The following CCDC18 variants were observed in gnomAD, a reference collection of about 807,000 sequenced individuals.
CCDC18 encodes the protein coiled-coil domain containing 18, also known as coiled-coil domain-containing protein 18.
A neutral mutation model predicts 196.0 loss-of-function variants in CCDC18; 157 were observed. The observed-to-expected ratio is 0.80, with a 90% CI of 0.70 to 0.91. The LOEUF is 0.91. Ranked by LOEUF, CCDC18 falls within the 40% of genes least tolerant of loss-of-function variation. The pLI, the probability that CCDC18 is intolerant of heterozygous loss-of-function variation, is 0.00. For synonymous variants in CCDC18, 482 were observed against 529.2 expected, an observed-to-expected ratio of 0.91 and a Z score of 1.22; for missense variants, 1,465 against 1,611.6, an observed-to-expected ratio of 0.91 and a Z score of 1.56.
intron 6 of CCDC18, among the ~76,000 whole-genome samples, chr1:93,197,505 AAT>A (rs930689915): frequency 7.9e-5 from 12 of 152,072 alleles, no homozygotes; most frequent in South Asian, 2.1e-4. Context: ...AACCTGAATA[AAT>A]ATATGTGTGT....
chr1:93,197,557 T>A (rs1652944937), intron 6 of CCDC18, among the ~76,000 whole-genome samples: 2 of 151,860 alleles, frequency 1.3e-5, no homozygotes, highest in Admixed American at 1.3e-4. Context: ...TATATATAGC[T>A]ATTAGGGTTA....
chr1:93,221,622 T>C lies in CCDC18; in HGVS notation c.1976T>C (p.Leu659Pro), dbSNP rs750816348. ...TTTCATGTTTAGCTTGAAGCTCAAC[T>C]AGAGAAAAAGGACCAACAATTTAAA... is the stretch of plus-strand genomic sequence containing the variant. Reference protein sequence around the residue: ...EKQIERLEAQLEKKDQQFKEQ... With the variant: ...EKQIERLEAQPEKKDQQFKEQ... The change falls in exon 15 of 29, where the codon CTA becomes CCA. Residue 659 changes from leucine (L) to proline (P), a missense_variant. Transcript: ENST00000690025. 3.9e-6 allele frequency: 6 copies of C among 1,534,602 alleles called. No homozygotes were observed. The highest frequency in any genetic ancestry group is 5.2e-6 in the Non-Finnish European group (6 of 1,151,390).
chr1:93,222,077 C>T lies in CCDC18; in HGVS notation c.2175+141C>T, dbSNP rs1037832439. ...CTTGAACTCCTGAGCTCAAGTAATC[C>T]TCCCACATGAGCCTCCTGAGCAGCT... is the stretch of plus-strand genomic sequence containing the variant. On this transcript the variant is annotated intron_variant, in intron 16 of 28. Coordinates refer to ENST00000690025, the MANE Select transcript of CCDC18 (RefSeq NM_001378204.1). 5.3e-6 allele frequency: 3 copies of T among 565,978 alleles called. No homozygotes were observed. The African/African-American group carries it at 6.0e-5, about 11-fold the overall frequency. The allele number at this position is 565,978 out of a possible 1,614,324, so 35.1% of individuals were successfully genotyped here.
At chr1:93,246,724 T>C (rs577493332) in intron 22 of CCDC18, 114 bp from the exon 23 acceptor site, 3 of 588,736 alleles carry the variant, frequency 5.1e-6, no homozygotes, top group East Asian at 6.1e-5. Flanking sequence ...ATATTAGCTA[T>C]ACTAATGAGT....
rs769921244 is a variant in CCDC18, at chr1:93,258,793, G to T, written c.3592G>T (p.Val1198Leu). Residue 1198 changes from valine to leucine, a missense_variant, in exon 26 of 29, where the codon GTA becomes TTA. By Grantham distance (32) the Val-to-Leu change is conservative (BLOSUM62 1). Transcript: ENST00000690025. ...AGCTGAAGAACTGGGGGCTTCTAAAGTACGTGAAGCTCATTTAGAAGCAAG... is the reference window on the plus strand; with the variant it reads ...AGCTGAAGAACTGGGGGCTTCTAAATTACGTGAAGCTCATTTAGAAGCAAG... Reference protein sequence around the residue: ...HLAEELGASKVREAHLEARMQ... With the variant: ...HLAEELGASKLREAHLEARMQ... 3.8e-6 allele frequency: 6 copies of T among 1,591,040 alleles called. No homozygotes were observed. The highest frequency in any genetic ancestry group is 1.7e-4 in the Middle Eastern group (1 of 6,024).
intron 23 of CCDC18, among the ~76,000 whole-genome samples, chr1:93,251,293 T>C (rs915902534): frequency 6.6e-6 from 1 of 152,344 alleles, no homozygotes; most frequent in Admixed American, 6.5e-5. Flanking sequence ...ATTGTTATAT[T>C]GCCTATCTCT....
chr1:93,234,102 A>G (rs1402344660), intron 18 of CCDC18, among the ~76,000 whole-genome samples: 2 of 151,826 alleles, frequency 1.3e-5, no homozygotes, highest in East Asian at 3.9e-4. Flanking sequence ...ACTCACTTCT[A>G]TAATGGTTGT....
intron 16 of CCDC18, among the ~76,000 whole-genome samples, chr1:93,225,089 AAG>A (rs1485681873): frequency 1.3e-5 from 2 of 152,208 alleles, no homozygotes; most frequent in Non-Finnish European, 2.9e-5. Context: ...TAGAATCTGC[AAG>A]AGAGAATGTT....
rs563636311 is a variant in CCDC18 at position 93,232,413 on chromosome 1, A to G, written c.2293-13A>G. On this transcript the variant is annotated splice_polypyrimidine_tract_variant and intron_variant, in intron 17 of 28. Coordinates refer to ENST00000690025, the MANE Select transcript of CCDC18 (RefSeq NM_001378204.1). ...TTGCATTGTATTGAGAGATATATAT[A>G]TATATTTGCCAGGTATATTGTTTAC... 216 of 1,474,098 alleles carry G rather than the reference A, an allele frequency of 1.5e-4. 3 individuals are homozygous for G. The South Asian group carries it at 2.3e-3, about 16-fold the overall frequency. The allele number at this position is 1,474,098 out of a possible 1,614,324, so 91.3% of individuals were successfully genotyped here.
chr1:93,236,936 C>CG (rs1660147190), intron 19 of CCDC18, among the ~76,000 whole-genome samples: 1 of 152,128 alleles, frequency 6.6e-6, no homozygotes, highest in South Asian at 2.1e-4. Context: ...TCCCAGGCAT[C>CG]GATACTTAAT....
intron 26 of CCDC18, among the ~76,000 whole-genome samples, chr1:93,260,233 A>G (rs890873437): frequency 1.3e-5 from 2 of 152,122 alleles, no homozygotes; most frequent in South Asian, 4.1e-4. Context: ...AAAATACAAA[A>G]ATTAGCTGGG....
intron 4 of CCDC18, among the ~76,000 whole-genome samples, chr1:93,187,594 G>A (rs1469545293): frequency 6.6e-6 from 1 of 152,042 alleles, no homozygotes; most frequent in African/African-American, 2.4e-5. Context: ...ATTATATGTA[G>A]TTTTAAATAG....
At chr1:93,226,281 T>G (rs1476338344) in intron 16 of CCDC18, 52 bp from the exon 17 acceptor site, 1 of 788,716 alleles carries the variant, frequency 1.3e-6, no homozygotes, top group Non-Finnish European at 2.1e-6. Flanking sequence ...TGTAAAATAT[T>G]GAGTATATCG....
chr1:93,251,077 A>G (rs1032343678), intron 23 of CCDC18, among the ~76,000 whole-genome samples: 3 of 152,062 alleles, frequency 2.0e-5, no homozygotes, highest in African/African-American at 7.2e-5. Context: ...TTTTTCTGGT[A>G]GTATGATTAA....
chr1:93,264,721 C>A lies in CCDC18; in HGVS notation c.3705C>A (p.Asn1235Lys). The A allele has an allele frequency of 6.2e-7, 1 of 1,610,856 alleles. No homozygotes were observed. The highest frequency in any genetic ancestry group is 8.5e-7 in the Non-Finnish European group (1 of 1,177,634). ...YHMEMISHQE[N>K]HAKWKISADS... is the part of the protein sequence containing the mutation. ...TATAGATGATTTCACATCAAGAGAA[C>A]CATGCAAAGTGGAAGATTTCTGCTG... Residue 1235 changes from asparagine (N) to lysine (K), a missense_variant, in exon 27 of 29, where the codon AAC becomes AAA. Asn to Lys is a moderately conservative substitution (Grantham distance 94). Transcript: ENST00000690025.
intron 23 of CCDC18, among the ~76,000 whole-genome samples, chr1:93,250,222 T>TG (rs1662043966): frequency 6.7e-6 from 1 of 150,292 alleles, no homozygotes; most frequent in African/African-American, 2.4e-5. Flanking sequence ...CTACAAAAAG[T>TG]GAAAAAAAAT....
intron 27 of CCDC18, among the ~76,000 whole-genome samples, chr1:93,268,163 C>T (rs1437099421): frequency 1.3e-5 from 2 of 152,114 alleles, no homozygotes; most frequent in African/African-American, 4.8e-5. Context: ...CTGACAAAAA[C>T]AAGAAATGGG....
chr1:93,196,909 A>T (rs1387108155), intron 6 of CCDC18, among the ~76,000 whole-genome samples: 1 of 152,228 alleles, frequency 6.6e-6, no homozygotes, highest in Non-Finnish European at 1.5e-5. Context: ...ATGTAAAACC[A>T]GGCTTACTGG....
chr1:93,221,078 C>T (rs1489270331), intron 14 of CCDC18, among the ~76,000 whole-genome samples: 2 of 152,144 alleles, frequency 1.3e-5, no homozygotes, highest in East Asian at 3.8e-4. Context: ...GTGAATAGTG[C>T]TGCAATGAAC....
Sources: allele counts gnomAD v4.1 joint callset (sites outside exome capture counted in the v4.1 genomes callset), GRCh38; gene constraint gnomAD v4.1.1; transcripts MANE v1.5; gene names NCBI Gene and HGNC (gene_info 2026-07-23, HGNC 2026-07-21).